Variants in SUCO observed in about 807,000 individuals in gnomAD.
SUCO encodes SUN domain-containing ossification factor.
Under a neutral mutation model 148.1 loss-of-function variants are expected in SUCO, and 57 were observed. The observed-to-expected ratio is 0.38, with a 90% CI of 0.31 to 0.48. The LOEUF is 0.48. Among genes scored for constraint, SUCO ranks in the 20% least tolerant of loss-of-function variants. The pLI is 0.96. For synonymous variants in SUCO, 470 were observed against 502.7 expected (o/e 0.93, Z 0.87); for missense variants, 1,331 against 1,468.2 (o/e 0.91, Z 1.53).
Position 172,610,070 on chromosome 1 carries a change from T to G in SUCO, c.3576T>G (p.Ser1192=), listed in dbSNP as rs1658118418. Residue 1192 remains serine, a synonymous_variant, in exon 24 of 24, where the codon TCT becomes TCG. Coordinates refer to ENST00000263688, the MANE Select transcript of SUCO (RefSeq NM_014283.5). Reference sequence around the variant, plus strand: ...GCACAAGTCTGTGCAATGGACAGTCTCAAAAGACAAAAACTGAGAAGAGGG... The same window carrying G: ...GCACAAGTCTGTGCAATGGACAGTCGCAAAAGACAAAAACTGAGAAGAGGG... ...SACTSLCNGQ[S]QKTKTEKRAL... 13 of 1,613,700 alleles carry G rather than the reference T, an allele frequency of 8.1e-6. No homozygotes were observed. Among genetic ancestry groups the G allele is most frequent in the Non-Finnish European group, 1.1e-5 (13 of 1,179,864 alleles).
At position 172,577,750 on chromosome 1, in the gene SUCO, C is replaced by A; in HGVS notation, c.1285-14C>A. The A allele has an allele frequency of 1.9e-6, 3 of 1,610,272 alleles. No individual in the cohort carries two copies. The highest frequency in any genetic ancestry group is 2.5e-6 in the Non-Finnish European group (3 of 1,177,860). ...CTCTGCTGGCTTCCCATTTTATGTGCTTTTATTCTTTAGGTTGAGTTGCTA... is the reference window on the plus strand; with the variant it reads ...CTCTGCTGGCTTCCCATTTTATGTGATTTTATTCTTTAGGTTGAGTTGCTA... On this transcript the variant is annotated splice_polypyrimidine_tract_variant and intron_variant, in intron 12 of 23. Transcript: ENST00000263688.
Position 172,557,524 on chromosome 1 carries a change from CTG to C in SUCO, c.581+108_581+109del. The C allele has an allele frequency of 8.0e-6, 12 of 1,502,978 alleles. No individual in the cohort carries two copies. The Admixed American group carries it at 2.0e-4, about 25-fold the overall frequency. 93.1% of individuals were successfully genotyped at this position (1,502,978 alleles called of 1,614,324 possible). ...AAATTCCACTTTGATTGAGAGAAAG[CTG>C]ATCTCTTTGTGTTTCTTCCTTGGTT... On this transcript the variant is annotated intron_variant, in intron 5 of 23. Transcript: ENST00000263688.
rs1657570868 is a variant in SUCO at position 172,602,120 on chromosome 1, A to T, written c.3075A>T (p.Gly1025=). The change falls in exon 21 of 24, where the codon GGA becomes GGT. Residue 1025 remains glycine (G), a synonymous_variant. Transcript: ENST00000263688. ...VISLVLCVVL[G]LMLCMQRCRN... is the part of the protein sequence containing the mutation. ...CTTTGGTTCTTTGTGTTGTCTTGGGACTGATGCTTTGTATGCAGCGTTGTC... is the reference window on the plus strand; with the variant it reads ...CTTTGGTTCTTTGTGTTGTCTTGGGTCTGATGCTTTGTATGCAGCGTTGTC... The T allele has an allele frequency of 6.2e-7, 1 of 1,613,692 alleles. No individual in the cohort carries two copies. The highest frequency in any genetic ancestry group is 1.3e-5 in the African/African-American group (1 of 75,000).
intron 14 of SUCO, among the ~76,000 whole-genome samples, chr1:172,578,984 G>A (rs1056444141): frequency 2.0e-5 from 3 of 151,950 alleles, no homozygotes; most frequent in Non-Finnish European, 2.9e-5. Flanking sequence ...TAAAATTTTG[G>A]TAAGCATTAC....
At chr1:172,549,843 C>T (rs74124236) in intron 1 of SUCO, among the ~76,000 whole-genome samples, 5,142 of 139,680 alleles carry the variant, frequency 0.037, 268 homozygotes, top group African/African-American at 0.13. Flanking sequence ...GTTGCCACAA[C>T]AAGAAAAACT....
Position 172,553,321 on chromosome 1 carries a change from T to A in SUCO, c.239T>A (p.Ile80Asn). 6.2e-7 allele frequency: 1 copy of A among 1,606,346 alleles called. No homozygotes were observed. Residue 80 changes from isoleucine (I) to asparagine (N), a missense_variant, in exon 3 of 24, where the codon ATT becomes AAT. This residue lies in a region of SUCO where 992 missense variants were observed against 1,093.5 expected (regional missense o/e 0.91). Transcript: ENST00000263688. ...GGAAAATCAGGTTCAAATTTACCTA[T>A]TTCTCCAAAAGAACATAAATTAAAA... ...SLGKSGSNLP[I>N]SPKEHKLKDD...
Position 172,611,191 on chromosome 1 carries a change from A to G in SUCO, c.*932A>G, listed in dbSNP as rs1658190659. The stretch of plus-strand genomic sequence containing the variant: ...TCACTGCCTGCATACATATGCACAG[A>G]TCCAGTTAGTGAGTTTGTCAAGCTT... On this transcript the variant is annotated 3_prime_UTR_variant, in exon 24 of 24. Coordinates refer to ENST00000263688, the MANE Select transcript of SUCO (RefSeq NM_014283.5). 1 of 152,660 alleles carries G rather than the reference A, an allele frequency of 6.6e-6. No homozygotes were observed. The highest frequency in any genetic ancestry group is 2.4e-5 in the African/African-American group (1 of 41,454). 9.5% of individuals were successfully genotyped at this position (152,660 alleles called of 1,614,324 possible).
At chr1:172,609,584 A>G (rs1362567777) in intron 23 of SUCO, 11 of 985,136 alleles carry the variant, frequency 1.1e-5, no homozygotes, top group Non-Finnish European at 1.3e-5. Flanking sequence ...ACCTATATTC[A>G]TAGGTAGCAG....
rs185696881 is a variant in SUCO at position 172,583,538 on chromosome 1, C to G, written c.1499-1480C>G. Among the ~76,000 whole-genome samples the G allele has an allele frequency of 7.9e-3, 1,209 of 152,280 alleles. 13 individuals are homozygous for G. The highest frequency in any genetic ancestry group is 0.027 in the African/African-American group (1,127 of 41,556). On this transcript the variant is annotated intron_variant, in intron 15 of 23. Coordinates refer to ENST00000263688, the MANE Select transcript of SUCO (RefSeq NM_014283.5). ...TTTACAGGATGAGCTCCAGGCAGCA[C>G]TCTTTGGTTTACTTGCAACCTTCCT...
chr1:172,607,737 TTCTAGAA>T (rs1182770618), intron 22 of SUCO, among the ~76,000 whole-genome samples: 3 of 151,918 alleles, frequency 2.0e-5, no homozygotes, highest in African/African-American at 7.2e-5. Flanking sequence ...ACATAACTGT[TTCTAGAA>T]ATAGACATCA....
In SUCO at chr1:172,588,827, C is replaced by G. The variant is rs1656414959; in HGVS notation, c.1726C>G (p.Pro576Ala). 1.9e-6 allele frequency: 3 copies of G among 1,607,026 alleles called. No individual in the cohort carries two copies. The highest frequency in any genetic ancestry group is 2.5e-6 in the Non-Finnish European group (3 of 1,177,076). The part of the protein sequence containing the change: ...PSTPDTPKES[P>A]IVQLVQEEEE... ...AACACCAGATACTCCAAAAGAGAGT[C>G]CCATTGTACAGTTAGTTCAAGAGGA... is the stretch of plus-strand genomic sequence containing the variant. The change falls in exon 18 of 24, where the codon CCC becomes GCC. Residue 576 changes from proline to alanine, a missense_variant. Physicochemically the swap from Pro to Ala is conservative, Grantham distance 27. Coordinates refer to ENST00000263688, the MANE Select transcript of SUCO (RefSeq NM_014283.5).
intron 6 of SUCO, among the ~76,000 whole-genome samples, chr1:172,568,119 A>G (rs1654691635): frequency 1.3e-5 from 2 of 152,196 alleles, no homozygotes; most frequent in Admixed American, 6.5e-5. Context: ...CTAAGGTGGA[A>G]CAGTTCATCC....
intron 1 of SUCO, among the ~76,000 whole-genome samples, chr1:172,538,663 T>G (rs1348577815): frequency 6.6e-6 from 1 of 152,216 alleles, no homozygotes; most frequent in African/African-American, 2.4e-5. Flanking sequence ...TGATGCCTTT[T>G]TTTTCTTTCC....
upstream of SUCO, chr1:172,533,079 TGA>T: frequency 7.0e-7 from 1 of 1,430,536 alleles, no homozygotes; most frequent in South Asian, 1.5e-5. Context: ...GATTGGCTGT[TGA>T]GAGGCGAGTA....
chr1:172,572,557 C>T (rs1261890089), intron 9 of SUCO, among the ~76,000 whole-genome samples: 1 of 151,926 alleles, frequency 6.6e-6, no homozygotes, highest in Non-Finnish European at 1.5e-5. Context: ...GGGACACAAA[C>T]ACTGCGGAAG....
chr1:172,546,360 A>G (rs1399073124), intron 1 of SUCO, among the ~76,000 whole-genome samples: 1 of 152,220 alleles, frequency 6.6e-6, no homozygotes, highest in Non-Finnish European at 1.5e-5. Flanking sequence ...AAGAAAGGTA[A>G]GAAGATAACA....
At chr1:172,577,297 T>C (rs761816333) in intron 11 of SUCO, among the ~76,000 whole-genome samples, 2 of 151,748 alleles carry the variant, frequency 1.3e-5, no homozygotes, top group South Asian at 2.1e-4. Flanking sequence ...AGTTAACTTA[T>C]AACCTTAAAG....
intron 6 of SUCO, among the ~76,000 whole-genome samples, chr1:172,567,689 A>G (rs1654652433): frequency 6.6e-6 from 1 of 152,200 alleles, no homozygotes; most frequent in African/African-American, 2.4e-5. Context: ...ATTCTTATGC[A>G]TATCTTTTGG....
intron 10 of SUCO, chr1:172,574,994 A>G: frequency 1.8e-6 from 1 of 563,096 alleles, no homozygotes; most frequent in Non-Finnish European, 2.3e-6. Flanking sequence ...TAACGTGGTG[A>G]GAGGGCTCAT....
Sources: gnomAD v4.1 joint callset for allele counts (sites outside exome capture counted in the v4.1 genomes callset) on GRCh38, gnomAD v4.1.1 for gene constraint, gnomAD v4.1.1 regional missense constraint, MANE v1.5 for transcripts, NCBI Gene and HGNC (gene_info 2026-07-23, HGNC 2026-07-21) for gene names.